Variants in ARHGAP6 observed in about 807,000 individuals in gnomAD.
ARHGAP6 encodes the protein Rho GTPase activating protein 6, also known as rho GTPase-activating protein 6.
Under a neutral mutation model 55.7 loss-of-function variants are expected in ARHGAP6, and 16 were observed. The observed-to-expected ratio is 0.29, with a 90% CI of 0.19 to 0.44. The LOEUF (loss-of-function observed/expected upper bound fraction) is 0.44, where lower values mean the gene tolerates loss of function less well. Ranked by LOEUF, ARHGAP6 falls within the 20% of genes least tolerant of loss-of-function variation. The pLI is 1.00. For missense variants in ARHGAP6, 698 were observed against 808.9 expected, an observed-to-expected ratio of 0.86 and a Z score of 1.66; for synonymous variants, 382 against 360.9, an observed-to-expected ratio of 1.06 and a Z score of -0.66.
At chrX:11,411,215 AT>A (rs2049681439) in intron 1 of ARHGAP6, among the ~76,000 whole-genome samples, 2 of 82,644 alleles carry the variant, frequency 2.4e-5, no homozygotes, top group African/African-American at 4.4e-5. Flanking sequence ...ATATATATAT[AT>A]ATATATAAAA....
intron 1 of ARHGAP6, among the ~76,000 whole-genome samples, chrX:11,600,170 A>G (rs188097583): frequency 2.2e-4 from 25 of 111,844 alleles, no homozygotes; most frequent in African/African-American, 8.1e-4. Context: ...CTGCCCATAC[A>G]TGAATTCCTG....
chrX:11,144,159 A>T lies in ARHGAP6; in HGVS notation c.1997T>A (p.Ile666Asn). The T allele has an allele frequency of 8.3e-7, 1 of 1,211,796 alleles. No individual in the cohort carries two copies. The highest frequency in any genetic ancestry group is 1.1e-6 in the Non-Finnish European group (1 of 895,520). Residue 666 changes from isoleucine to asparagine, a missense_variant, in exon 11 of 13, where the codon ATC (isoleucine) becomes AAC (asparagine). Physicochemically the swap from Ile to Asn is moderately radical, Grantham distance 149. Around this residue, in one of 3 missense-constraint regions of ARHGAP6, gnomAD observed 322 missense variants for 451.1 expected, o/e 0.71. Coordinates refer to ENST00000337414, the MANE Select transcript of ARHGAP6 (RefSeq NM_013427.3). ...TGGGGAGTTGTTGTCATAAGGGGAG[A>T]TGTCTCCGCTGGAGGCCTTGTTGGA... Reference protein sequence around the residue: ...TDSNKASSGDISPYDNNSPVL... With the variant: ...TDSNKASSGDNSPYDNNSPVL...
intron 1 of ARHGAP6, among the ~76,000 whole-genome samples, chrX:11,284,559 T>C (rs2047897758): frequency 8.9e-6 from 1 of 112,082 alleles, no homozygotes; most frequent in Admixed American, 9.4e-5. Flanking sequence ...AATAGCCACA[T>C]CTTTGGAACA....
chrX:11,352,025 T>G (rs1219515976), intron 1 of ARHGAP6, among the ~76,000 whole-genome samples: 2 of 112,608 alleles, frequency 1.8e-5, no homozygotes, highest in Non-Finnish European at 3.7e-5. Flanking sequence ...TGGCAAGTAA[T>G]GTGTATATTT....
In ARHGAP6 at chrX:11,362,051, T is replaced by C. The variant is rs1363152413; in HGVS notation, c.589-107344A>G. Among the ~76,000 whole-genome samples the C allele has an allele frequency of 2.7e-5, 3 of 111,816 alleles. No individual in the cohort carries two copies. The Admixed American group carries it at 2.8e-4, about 11-fold the overall frequency. ...GAGAAATAGGAACACTTTTACACTG[T>C]TGGTGGGACTGCAAACTAGTTCAAC... On this transcript the variant is annotated intron_variant, in intron 1 of 12. Transcript: ENST00000337414.
intron 1 of ARHGAP6, among the ~76,000 whole-genome samples, chrX:11,361,147 A>C (rs1285842126): frequency 9.2e-6 from 1 of 108,380 alleles, no homozygotes; most frequent in Non-Finnish European, 1.9e-5. Context: ...GAATTGGAAA[A>C]AACTACTTTA....
At chrX:11,578,652 C>T (rs2051629681) in intron 1 of ARHGAP6, among the ~76,000 whole-genome samples, 1 of 111,860 alleles carries the variant, frequency 8.9e-6, no homozygotes, top group African/African-American at 3.3e-5. Context: ...ACTAGAAATA[C>T]TATTTAACCC....
chrX:11,561,251 T>A (rs760319032), intron 1 of ARHGAP6, among the ~76,000 whole-genome samples: 12 of 112,109 alleles, frequency 1.1e-4, no homozygotes, highest in Admixed American at 2.8e-4. Context: ...AATCTCCATA[T>A]AATGGAACAC....
At chrX:11,254,500 A>G in intron 2 of ARHGAP6, 48 bp downstream of exon 2, 1 of 1,183,332 alleles carries the variant, frequency 8.5e-7, no homozygotes, top group East Asian at 3.0e-5. Context: ...GGCAGAGCCA[A>G]TATTTGACTT....
intron 1 of ARHGAP6, among the ~76,000 whole-genome samples, chrX:11,268,203 C>G (rs949615310): frequency 8.9e-6 from 1 of 111,841 alleles, no homozygotes; most frequent in East Asian, 2.8e-4. Context: ...CACTGTCAAA[C>G]TTTTTGAGTG....
chrX:11,484,644 T>C (rs890636856), intron 1 of ARHGAP6, among the ~76,000 whole-genome samples: 2 of 110,896 alleles, frequency 1.8e-5, no homozygotes, highest in African/African-American at 6.6e-5. Flanking sequence ...ATAAAACAAA[T>C]TGGATACATA....
chrX:11,664,062 G>A (rs1284504731), intron 1 of ARHGAP6, among the ~76,000 whole-genome samples, 179 bp downstream of exon 1: 2 of 112,603 alleles, frequency 1.8e-5, no homozygotes, highest in Non-Finnish European at 3.8e-5. Flanking sequence ...ACAAGCGGGT[G>A]GCCACTAGGG....
chrX:11,166,612 C>T (rs375789079), intron 9 of ARHGAP6, among the ~76,000 whole-genome samples: 10 of 111,718 alleles, frequency 9.0e-5, no homozygotes, highest in South Asian at 3.8e-4. Flanking sequence ...TTGGTATAGC[C>T]GACTAGTTTC....
intron 1 of ARHGAP6, among the ~76,000 whole-genome samples, chrX:11,354,295 T>TCTC (rs2048900541): frequency 7.3e-5 from 3 of 41,037 alleles, no homozygotes; most frequent in Non-Finnish European, 8.2e-5. Context: ...CTCTCTCTCT[T>TCTC]TCTCTCTCTC....
At chrX:11,363,464 G>A (rs1020670154) in intron 1 of ARHGAP6, among the ~76,000 whole-genome samples, 3 of 111,821 alleles carry the variant, frequency 2.7e-5, no homozygotes, top group Non-Finnish European at 5.6e-5. Flanking sequence ...TATTGCCCAT[G>A]GCCAAATATA....
At chrX:11,411,200 T>TAC (rs1250609025) in intron 1 of ARHGAP6, among the ~76,000 whole-genome samples, 1 of 73,544 alleles carries the variant, frequency 1.4e-5, no homozygotes, top group Non-Finnish European at 2.4e-5. Flanking sequence ...TATATATATA[T>TAC]ATATATATAT....
chrX:11,475,344 T>C (rs752941252), intron 1 of ARHGAP6, among the ~76,000 whole-genome samples: 2 of 110,904 alleles, frequency 1.8e-5, no homozygotes, highest in Admixed American at 9.7e-5. Flanking sequence ...GGAATTAACA[T>C]CTTTAAGGCT....
At chrX:11,423,859 G>C (rs2049851652) in intron 1 of ARHGAP6, among the ~76,000 whole-genome samples, 1 of 112,185 alleles carries the variant, frequency 8.9e-6, no homozygotes, top group Non-Finnish European at 1.9e-5. Flanking sequence ...GTAAAGACAG[G>C]TTGGGGCACC....
At chrX:11,569,160 G>A (rs893911063) in intron 1 of ARHGAP6, among the ~76,000 whole-genome samples, 1 of 111,592 alleles carries the variant, frequency 9.0e-6, no homozygotes, top group Non-Finnish European at 1.9e-5. Flanking sequence ...TAGGGGTCAT[G>A]TGGCAGTGTC....
Sources: allele counts gnomAD v4.1 joint callset (sites outside exome capture counted in the v4.1 genomes callset), GRCh38; gene constraint gnomAD v4.1.1; regional missense constraint gnomAD v4.1.1; transcripts MANE v1.5; gene names NCBI Gene and HGNC (gene_info 2026-07-23, HGNC 2026-07-21).